DNAI3: variants seen among roughly 807,000 people sequenced by gnomAD.
The protein encoded by DNAI3 is WD repeat domain 63.
A neutral mutation model predicts 115.5 loss-of-function variants in DNAI3; 83 were observed. That is an observed-to-expected ratio of 0.72 (90% CI 0.60 to 0.86). DNAI3 has a LOEUF of 0.86. Among genes scored for constraint, DNAI3 ranks in the 40% least tolerant of loss-of-function variants. The probability of loss-of-function intolerance (pLI) is 0.00; values close to 1 mark genes in which losing one functional copy is unlikely to be tolerated. For synonymous variants in DNAI3, 320 were observed against 347.0 expected (o/e 0.92, Z 0.86); for missense variants, 1,004 against 1,075.8 (o/e 0.93, Z 0.93).
intron 19 of DNAI3, among the ~76,000 whole-genome samples, chr1:85,125,306 A>G (rs1656100161): frequency 6.6e-6 from 1 of 152,056 alleles, no homozygotes; most frequent in African/African-American, 2.4e-5. Flanking sequence ...GTATGTACAT[A>G]GGCATATAAT....
chr1:85,074,754 T>C (rs895054582), intron 3 of DNAI3, among the ~76,000 whole-genome samples: 2 of 152,240 alleles, frequency 1.3e-5, no homozygotes, highest in Non-Finnish European at 2.9e-5. Flanking sequence ...GTTAGGTTCC[T>C]GTGAGCTTCT....
At chr1:85,072,847 C>T (rs11585722) in intron 2 of DNAI3, among the ~76,000 whole-genome samples, 13,085 of 146,770 alleles carry the variant, frequency 0.089, 749 homozygotes, top group East Asian at 0.24. Flanking sequence ...CCCAGCTACT[C>T]GGGAGGCTGA....
At chr1:85,091,718 G>A (rs906791147) in intron 8 of DNAI3, among the ~76,000 whole-genome samples, 1 of 152,046 alleles carries the variant, frequency 6.6e-6, no homozygotes, top group Non-Finnish European at 1.5e-5. Context: ...GGAACTTCAG[G>A]GGGATTCACA....
intron 5 of DNAI3, 38 bp downstream of exon 5, chr1:85,082,442 TGTTGTG>T: frequency 6.5e-7 from 1 of 1,547,126 alleles, no homozygotes. Context: ...TGTTTGTTTT[TGTTGTG>T]GTTGTGGTTG....
intron 16 of DNAI3, among the ~76,000 whole-genome samples, chr1:85,115,431 A>G (rs2100605029): frequency 6.6e-6 from 1 of 152,360 alleles, no homozygotes; most frequent in South Asian, 2.1e-4. Context: ...AATGGTTCCT[A>G]TAAAGCACAC....
chr1:85,094,016 A>G (rs1655056936), intron 9 of DNAI3: 2 of 431,030 alleles, frequency 4.6e-6, no homozygotes, highest in South Asian at 3.8e-5. Context: ...ACAAGAGAGG[A>G]AATGTGCCTC....
intron 3 of DNAI3, among the ~76,000 whole-genome samples, chr1:85,077,327 A>G (rs914149865): frequency 1.3e-5 from 2 of 152,208 alleles, no homozygotes; most frequent in South Asian, 4.1e-4. Flanking sequence ...TCATAGACCT[A>G]AAGGTAAAAC....
At chr1:85,098,449 T>A in intron 12 of DNAI3, 81 bp from the exon 13 acceptor site, 1 of 1,519,862 alleles carries the variant, frequency 6.6e-7, no homozygotes, top group Non-Finnish European at 8.9e-7. Context: ...TTGTTCATTT[T>A]AATTGAGATG....
intron 17 of DNAI3, among the ~76,000 whole-genome samples, chr1:85,119,437 G>T (rs1289449365): frequency 6.6e-6 from 1 of 152,124 alleles, no homozygotes; most frequent in Admixed American, 6.5e-5. Context: ...TACAATATTT[G>T]TCCTTTTGTG....
chr1:85,067,337 CTG>C (rs569693271), intron 1 of DNAI3, among the ~76,000 whole-genome samples: 41 of 152,262 alleles, frequency 2.7e-4, no homozygotes, highest in African/African-American at 9.4e-4. Flanking sequence ...AGTAAATGAG[CTG>C]TTCAGGTAAG....
At chr1:85,073,976 G>A (rs562029817) in intron 3 of DNAI3, among the ~76,000 whole-genome samples, 10 of 152,214 alleles carry the variant, frequency 6.6e-5, no homozygotes, top group African/African-American at 2.4e-4. Flanking sequence ...TCTGTTATCA[G>A]CACCCAGCAC....
chr1:85,087,682 G>T (rs183094722), intron 7 of DNAI3, among the ~76,000 whole-genome samples: 41 of 152,060 alleles, frequency 2.7e-4, no homozygotes, highest in African/African-American at 9.9e-4. Flanking sequence ...TTAAATGGAG[G>T]GGAAAAAAGA....
At chr1:85,064,684 G>A (rs1654039894) in intron 1 of DNAI3, among the ~76,000 whole-genome samples, 1 of 152,120 alleles carries the variant, frequency 6.6e-6, no homozygotes. Flanking sequence ...AGGATTGCTT[G>A]AGGCCAGGAG....
At position 85,132,850 on chromosome 1, in the gene DNAI3, C is replaced by A. The variant is rs773433837; in HGVS notation, c.2533-5C>A. ...AGGGATGTCTTGTTTTTCTTCCCCC[C>A]CCAGAAAACATATCAGAAGTCAAAA... On this transcript the variant is annotated splice_polypyrimidine_tract_variant and splice_region_variant and intron_variant, in intron 22 of 22. Coordinates refer to ENST00000294664, the MANE Select transcript of DNAI3 (RefSeq NM_145172.5). 1 of 1,611,572 alleles carries A rather than the reference C, an allele frequency of 6.2e-7. No homozygotes were observed. Among genetic ancestry groups the A allele is most frequent in the East Asian group, 2.2e-5 (1 of 44,786 alleles).
intron 9 of DNAI3, 141 bp downstream of exon 9, chr1:85,093,789 T>C: frequency 1.1e-6 from 1 of 947,054 alleles, no homozygotes; most frequent in South Asian, 1.4e-5. Flanking sequence ...TGCCATGTGC[T>C]TTCCACGCCC....
chr1:85,126,296 T>C (rs1434774259), intron 19 of DNAI3, among the ~76,000 whole-genome samples: 4 of 152,188 alleles, frequency 2.6e-5, no homozygotes, highest in African/African-American at 9.7e-5. Flanking sequence ...TAATATTTTC[T>C]GAAAAGCAAC....
intron 10 of DNAI3, 147 bp downstream of exon 10, chr1:85,094,702 C>T: frequency 1.0e-6 from 1 of 992,360 alleles, no homozygotes; most frequent in Non-Finnish European, 1.4e-6. Flanking sequence ...CAGAACTTGT[C>T]ATCATTCAAT....
At chr1:85,119,317 C>T (rs896968116) in intron 17 of DNAI3, among the ~76,000 whole-genome samples, 3 of 152,186 alleles carry the variant, frequency 2.0e-5, no homozygotes, top group Non-Finnish European at 4.4e-5. Context: ...CGTCTGTACG[C>T]ACTAAACACT....
intron 18 of DNAI3, among the ~76,000 whole-genome samples, chr1:85,122,931 A>G (rs1656031904): frequency 6.6e-6 from 1 of 152,144 alleles, no homozygotes; most frequent in South Asian, 2.1e-4. Flanking sequence ...TCCTCCTGTT[A>G]CCTGAGTAAA....
Sources: allele counts gnomAD v4.1 joint callset (sites outside exome capture counted in the v4.1 genomes callset), GRCh38; gene constraint gnomAD v4.1.1; transcripts MANE v1.5; gene names NCBI Gene and HGNC (gene_info 2026-07-23, HGNC 2026-07-21).